PPM1D: variants seen among roughly 807,000 people sequenced by gnomAD.
PPM1D encodes the protein protein phosphatase, Mg2+/Mn2+ dependent 1D, also known as protein phosphatase 1D.
Under a neutral mutation model 58.3 loss-of-function variants are expected in PPM1D, and 52 were observed. That is an observed-to-expected ratio of 0.89 (90% confidence interval 0.71 to 1.12). PPM1D has a LOEUF of 1.12. Ranked by LOEUF, PPM1D falls within the 50% of genes most tolerant of loss-of-function variation. PPM1D has a pLI of 0.00. For synonymous variants in PPM1D, 278 were observed against 285.1 expected (o/e 0.98, Z 0.25); for missense variants, 564 against 777.2 (o/e 0.73, Z 3.26).
chr17:60,645,494 ATGTG>A (rs1406303977), intron 3 of PPM1D, among the ~76,000 whole-genome samples: 95 of 79,682 alleles, frequency 1.2e-3, no homozygotes, highest in Admixed American at 4.4e-3. Context: ...GTGTGTGTGT[ATGTG>A]TATATATATA....
intron 3 of PPM1D, among the ~76,000 whole-genome samples, chr17:60,634,762 C>G (rs1234812759): frequency 6.6e-6 from 1 of 152,070 alleles, no homozygotes; most frequent in East Asian, 1.9e-4. Flanking sequence ...AAGAAAATGT[C>G]TCTGAGAAAA....
At chr17:60,662,955 A>T in intron 5 of PPM1D, 40 bp from the exon 6 acceptor site, 2 of 1,535,178 alleles carry the variant, frequency 1.3e-6, no homozygotes. Context: ...GAGTTCTGGG[A>T]TAAATTTTTT....
At chr17:60,656,968 A>G in intron 5 of PPM1D, 127 bp downstream of exon 5, 1 of 1,581,872 alleles carries the variant, frequency 6.3e-7, no homozygotes, top group Admixed American at 1.8e-5. Context: ...AAAGTGATGT[A>G]ACTTATTATC....
intron 1 of PPM1D, among the ~76,000 whole-genome samples, chr17:60,601,918 T>TG (rs1339674961): frequency 2.0e-5 from 3 of 152,192 alleles, no homozygotes; most frequent in Non-Finnish European, 4.4e-5. Flanking sequence ...CTTCCAGTGG[T>TG]GGGAAAAAAC....
Position 60,663,430 on chromosome 17 carries a change from C to T in PPM1D, c.1696C>T (p.Leu566Phe), listed in dbSNP as rs1275528692. ...AAGTAGTGGTGCTCAGCCTGCAAGT[C>T]TCCCCACAACCTCACAGCGAAAGAA... ...SRSSGAQPAS[L>F]PTTSQRKNSV... Residue 566 changes from leucine (L) to phenylalanine (F), a missense_variant, in exon 6 of 6, where the codon CTC (leucine) becomes TTC (phenylalanine). Leu to Phe is a conservative substitution (Grantham distance 22, BLOSUM62 0). Transcript: ENST00000305921. 6.2e-7 allele frequency: 1 copy of T among 1,614,182 alleles called. No individual in the cohort carries two copies.
intron 2 of PPM1D, among the ~76,000 whole-genome samples, chr17:60,628,489 G>A (rs1248419132): frequency 6.6e-6 from 1 of 152,106 alleles, no homozygotes; most frequent in Non-Finnish European, 1.5e-5. Flanking sequence ...CACCGTAAGA[G>A]TCCTCTGTAC....
Position 60,663,692 on chromosome 17 carries a change from T to C in PPM1D, c.*140T>C. 1 of 885,564 alleles carries C rather than the reference T, an allele frequency of 1.1e-6. No individual in the cohort carries two copies. The highest frequency in any genetic ancestry group is 2.9e-5 in the Admixed American group (1 of 34,630). 54.9% of individuals were successfully genotyped at this position (885,564 alleles called of 1,614,324 possible). ...GACTTTTTGGAATTCAGCAGTTTTA[T>C]CCTGGCCTTGTACTTGCTTGTATTG... On this transcript the variant is annotated 3_prime_UTR_variant, in exon 6 of 6. Coordinates refer to ENST00000305921, the MANE Select transcript of PPM1D (RefSeq NM_003620.4).
intron 3 of PPM1D, among the ~76,000 whole-genome samples, chr17:60,635,247 C>T (rs557190905): frequency 2.8e-3 from 426 of 150,492 alleles, no homozygotes; most frequent in Non-Finnish European, 4.8e-3. Context: ...TGGAGTTTTA[C>T]TCTTGTTCCC....
chr17:60,644,776 T>A (rs925693632), intron 3 of PPM1D, among the ~76,000 whole-genome samples: 7 of 152,192 alleles, frequency 4.6e-5, no homozygotes, highest in East Asian at 3.8e-4. Flanking sequence ...GACCTAGATT[T>A]AGCATACACA....
At position 60,623,460 on chromosome 17, in the gene PPM1D, A is replaced by G. The variant is rs1598403713; in HGVS notation, c.473-61A>G. 22 of 1,470,672 alleles carry G rather than the reference A, an allele frequency of 1.5e-5. No individual in the cohort carries two copies. In the South Asian group the frequency reaches 3.0e-4, roughly 20 times the overall value. The allele number at this position is 1,470,672 out of a possible 1,614,324, so 91.1% of individuals were successfully genotyped here. On this transcript the variant is annotated intron_variant, in intron 1 of 5. Coordinates refer to ENST00000305921, the MANE Select transcript of PPM1D (RefSeq NM_003620.4). ...TAATTCAGAGTTTGTTGCCATTTGT[A>G]TCCTGACAGTGTATTAATGTTTATA...
intron 1 of PPM1D, among the ~76,000 whole-genome samples, chr17:60,602,547 A>C (rs1056165862): frequency 2.6e-5 from 4 of 152,058 alleles, no homozygotes; most frequent in African/African-American, 9.7e-5. Context: ...GGCCTCCGAA[A>C]GTGCTGGAAT....
chr17:60,651,201 C>A (rs1421087943), intron 4 of PPM1D, among the ~76,000 whole-genome samples: 1 of 151,986 alleles, frequency 6.6e-6, no homozygotes, highest in Non-Finnish European at 1.5e-5. Context: ...AACAGGCACA[C>A]TGAAAAAGTG....
At chr17:60,629,945 G>C (rs2030886079) in intron 2 of PPM1D, among the ~76,000 whole-genome samples, 1 of 152,046 alleles carries the variant, frequency 6.6e-6, no homozygotes, top group Non-Finnish European at 1.5e-5. Flanking sequence ...GAGGCTGAGG[G>C]AGGAGAATCT....
chr17:60,657,125 G>A (rs2031456543), intron 5 of PPM1D: 2 of 1,210,320 alleles, frequency 1.7e-6, no homozygotes, highest in South Asian at 3.6e-5. Context: ...AGTTTGTGAA[G>A]CACTTAAATA....
At chr17:60,641,990 T>G (rs2031142493) in intron 3 of PPM1D, among the ~76,000 whole-genome samples, 1 of 152,224 alleles carries the variant, frequency 6.6e-6, no homozygotes, top group Non-Finnish European at 1.5e-5. Flanking sequence ...TGTCTGCCAG[T>G]TTCCAAGGCA....
intron 2 of PPM1D, among the ~76,000 whole-genome samples, chr17:60,627,428 T>A (rs1233151622): frequency 1.6e-5 from 2 of 128,792 alleles, no homozygotes; most frequent in Non-Finnish European, 3.1e-5. Context: ...TTTTTCTTTC[T>A]TTTTTTTTTT....
intron 3 of PPM1D, among the ~76,000 whole-genome samples, chr17:60,639,788 C>G (rs572879387): frequency 1.3e-5 from 2 of 152,086 alleles, no homozygotes; most frequent in East Asian, 3.9e-4. Context: ...AAGGATATTT[C>G]ACTTAACCAG....
At chr17:60,621,523 T>C (rs2030701807) in intron 1 of PPM1D, among the ~76,000 whole-genome samples, 1 of 151,640 alleles carries the variant, frequency 6.6e-6, no homozygotes, top group South Asian at 2.1e-4. Flanking sequence ...GCCTCCTGAG[T>C]AGCTGGGACT....
In PPM1D at chr17:60,663,095, CT is replaced by C; in HGVS notation, c.1362del (p.Glu455ArgfsTer2). The C allele has an allele frequency of 6.2e-7, 1 of 1,614,106 alleles. No individual in the cohort carries two copies. The highest frequency in any genetic ancestry group is 1.3e-5 in the African/African-American group (1 of 75,048). ...AFSENFLEVS[A>X]EIARENVQGV... is the part of the protein sequence containing the mutation. The stretch of plus-strand genomic sequence containing the variant: ...TCAGAGAATTTTTTAGAGGTTTCAG[CT>C]GAGATAGCTCGAGAGAATGTCCAAG... On this transcript the variant is annotated frameshift_variant, in exon 6 of 6. Transcript: ENST00000305921. LOFTEE classifies it high-confidence loss of function.
Sources: allele counts gnomAD v4.1 joint callset (sites outside exome capture counted in the v4.1 genomes callset), GRCh38; gene constraint gnomAD v4.1.1; transcripts MANE v1.5; gene names NCBI Gene and HGNC (gene_info 2026-07-23, HGNC 2026-07-21).